CPT1A: variants seen among roughly 807,000 people sequenced by gnomAD.
CPT1A encodes carnitine palmitoyltransferase 1A.
Under a neutral mutation model 100.8 loss-of-function variants are expected in CPT1A, and 64 were observed. The observed-to-expected ratio is 0.63, with a 90% CI of 0.52 to 0.78. The LOEUF is 0.78. CPT1A is among the 30% of genes least tolerant of loss of function. CPT1A has a pLI of 0.00. For missense variants in CPT1A, 802 were observed against 1,034.1 expected (o/e 0.78, Z 3.08); for synonymous variants, 363 against 396.0 (o/e 0.92, Z 0.99).
At chr11:68,788,630 TAAAAAAAA>T in intron 9 of CPT1A, among the ~76,000 whole-genome samples, 1 of 27,556 alleles carries the variant, frequency 3.6e-5, no homozygotes, top group East Asian at 2.0e-3. Context: ...CAAACAAAAG[TAAAAAAAA>T]AAAAAAAAAA....
intron 9 of CPT1A, among the ~76,000 whole-genome samples, chr11:68,792,621 C>A (rs1855648369): frequency 6.6e-6 from 1 of 152,218 alleles, no homozygotes; most frequent in Non-Finnish European, 1.5e-5. Context: ...TACGTGGCCA[C>A]CCTGCCCAGG....
chr11:68,759,690 G>T, intron 17 of CPT1A, 29 bp from the exon 18 acceptor site: 1 of 1,510,086 alleles, frequency 6.6e-7, no homozygotes, highest in Non-Finnish European at 9.2e-7. Flanking sequence ...TGAATTTGTT[G>T]CTGGGAAATG....
intron 1 of CPT1A, among the ~76,000 whole-genome samples, chr11:68,832,479 CAAAA>C (rs1456748323): frequency 6.6e-6 from 1 of 152,022 alleles, no homozygotes; most frequent in Non-Finnish European, 1.5e-5. Context: ...AACAAACAAA[CAAAA>C]ACCCAGGTCC....
chr11:68,798,823 G>A (rs910441324), intron 6 of CPT1A, among the ~76,000 whole-genome samples: 20 of 152,204 alleles, frequency 1.3e-4, no homozygotes, highest in Non-Finnish European at 2.1e-4. Context: ...AGCCTCCTGC[G>A]TGCAAAACAC....
upstream of CPT1A, among the ~76,000 whole-genome samples, chr11:68,843,236 G>A (rs1253155938): frequency 6.6e-6 from 1 of 152,010 alleles, no homozygotes; most frequent in African/African-American, 2.4e-5. This position sits in a 1 kb window ranked among gnomAD's most constrained non-coding sequence, Gnocchi z 4.0. Flanking sequence ...CTTGGCTTAC[G>A]TCGTAGACAG....
intron 1 of CPT1A, among the ~76,000 whole-genome samples, chr11:68,835,844 G>A (rs145179499): frequency 2.0e-5 from 3 of 152,214 alleles, no homozygotes; most frequent in Non-Finnish European, 2.9e-5. Context: ...CTGTGACCTT[G>A]AGCAAGTATT....
At chr11:68,771,163 A>C (rs1193366817) in intron 14 of CPT1A, among the ~76,000 whole-genome samples, 1 of 152,144 alleles carries the variant, frequency 6.6e-6, no homozygotes, top group Non-Finnish European at 1.5e-5. Flanking sequence ...GCTCCCTGAC[A>C]ACCTCTCACT....
chr11:68,824,158 G>A (rs1417244718), intron 1 of CPT1A, among the ~76,000 whole-genome samples: 1 of 149,516 alleles, frequency 6.7e-6, no homozygotes, highest in Non-Finnish European at 1.5e-5. Flanking sequence ...TGAAGCAGGA[G>A]AATCGCTTGA....
At chr11:68,841,976 G>A, upstream of CPT1A, 3 of 985,258 alleles carry the variant, frequency 3.0e-6, no homozygotes, top group Non-Finnish European at 3.6e-6. The surrounding 1 kb of genome is among the most constrained non-coding windows in gnomAD (Gnocchi z 6.3). Flanking sequence ...CGCGGAGGGC[G>A]GGCCCGGGGC....
At chr11:68,816,971 TGGTGTGGGGGGGTGC>T in intron 1 of CPT1A, among the ~76,000 whole-genome samples, 1 of 93,334 alleles carries the variant, frequency 1.1e-5, no homozygotes. Context: ...GGTGTGTGTG[TGGTGTGGGGGGGTGC>T]GTGGGTGTGT....
At chr11:68,801,486 C>T (rs1039564870) in intron 5 of CPT1A, among the ~76,000 whole-genome samples, 10 of 151,934 alleles carry the variant, frequency 6.6e-5, no homozygotes, top group Non-Finnish European at 1.2e-4. Context: ...AAAAATTAGC[C>T]GGGTGTGGTG....
At chr11:68,835,567 C>T (rs993843420) in intron 1 of CPT1A, among the ~76,000 whole-genome samples, 9 of 152,248 alleles carry the variant, frequency 5.9e-5, no homozygotes, top group African/African-American at 2.2e-4. Flanking sequence ...TCAAAACTCT[C>T]TTCACATCTG....
At chr11:68,777,747 C>G (rs2153997378) in intron 12 of CPT1A, among the ~76,000 whole-genome samples, 1 of 152,268 alleles carries the variant, frequency 6.6e-6, no homozygotes, top group Admixed American at 6.5e-5. Context: ...ATAAATGTAC[C>G]CTGTGTGATC....
upstream of CPT1A, among the ~76,000 whole-genome samples, chr11:68,843,154 C>T (rs1239727297): frequency 6.6e-6 from 1 of 151,534 alleles, no homozygotes; most frequent in Non-Finnish European, 1.5e-5. This position sits in a 1 kb window ranked among gnomAD's most constrained non-coding sequence, Gnocchi z 4.0. Context: ...TTAACTCTCC[C>T]TGCGGTTCCC....
intron 9 of CPT1A, among the ~76,000 whole-genome samples, chr11:68,788,749 T>G (rs1435251156): frequency 1.3e-5 from 2 of 150,504 alleles, no homozygotes; most frequent in African/African-American, 4.9e-5. Flanking sequence ...AAGAACAATA[T>G]TCTCAACAGA....
chr11:68,825,139 G>GA (rs1566385206), intron 1 of CPT1A, among the ~76,000 whole-genome samples: 1 of 152,116 alleles, frequency 6.6e-6, no homozygotes, highest in African/African-American at 2.4e-5. Flanking sequence ...CTTGGGGTGG[G>GA]AAAAATGGAG....
rs1993277 is a variant in CPT1A, at chr11:68,841,313, G to A, written c.-14+462C>T. ...ACTGGCCCCGGGCGAAGGCATCCTGGAAAGCATCCAGAGCGTCCAGCATCC... is the reference window on the plus strand; with the variant it reads ...ACTGGCCCCGGGCGAAGGCATCCTGAAAAGCATCCAGAGCGTCCAGCATCC... On this transcript the variant is annotated intron_variant, in intron 1 of 18. Transcript: ENST00000265641. The surrounding 1 kb of genome is among the most constrained non-coding windows in gnomAD (Gnocchi z 6.3). Among the ~76,000 whole-genome samples, 3,324 of 152,242 alleles carry A rather than the reference G, an allele frequency of 0.022. 122 individuals carry two copies. Among genetic ancestry groups the A allele is most frequent in the African/African-American group, 0.071 (2,951 of 41,544 alleles).
chr11:68,758,994 A>G (rs1417627022), intron 18 of CPT1A, among the ~76,000 whole-genome samples: 1 of 152,182 alleles, frequency 6.6e-6, no homozygotes, highest in Non-Finnish European at 1.5e-5. Flanking sequence ...TGAAGCCTGT[A>G]ATCCCAACAC....
At chr11:68,813,659 T>C (rs1856287832) in intron 2 of CPT1A, among the ~76,000 whole-genome samples, 1 of 145,998 alleles carries the variant, frequency 6.8e-6, no homozygotes, top group Non-Finnish European at 1.5e-5. Context: ...ATCGCACCAC[T>C]GCACTCCACC....
Sources: gnomAD v4.1 joint callset for allele counts (sites outside exome capture counted in the v4.1 genomes callset) on GRCh38, gnomAD v4.1.1 for gene constraint, Gnocchi (gnomAD v3.1) non-coding constraint, MANE v1.5 for transcripts, NCBI Gene and HGNC (gene_info 2026-07-23, HGNC 2026-07-21) for gene names.